The following KIAA1328 variants were observed in gnomAD, a reference collection of about 807,000 sequenced individuals.
The protein encoded by KIAA1328 is KIAA1328.
In KIAA1328, 52 loss-of-function variants were observed where a neutral mutation model predicts 68.1. The ratio of observed to expected loss-of-function variants is 0.76; its 90% CI spans 0.61 to 0.96. The LOEUF (loss-of-function observed/expected upper bound fraction) is 0.96, where lower values mean the gene tolerates loss of function less well. Among genes scored for constraint, KIAA1328 ranks in the 40% least tolerant of loss-of-function variants. The pLI is 0.00. For synonymous variants in KIAA1328, 232 were observed against 239.4 expected (o/e 0.97, Z 0.28); for missense variants, 641 against 677.6 (o/e 0.95, Z 0.60).
chr18:36,863,950 T>G (rs1175968451), intron 4 of KIAA1328, among the ~76,000 whole-genome samples: 1 of 152,196 alleles, frequency 6.6e-6, no homozygotes, highest in Non-Finnish European at 1.5e-5. Context: ...TCATGTCATT[T>G]GCAAATAGGG....
chr18:37,186,368 C>A (rs1187459502), intron 9 of KIAA1328, among the ~76,000 whole-genome samples: 2 of 151,552 alleles, frequency 1.3e-5, no homozygotes, highest in African/African-American at 4.8e-5. Flanking sequence ...GAGTTTGAGA[C>A]CAGCCTGGGC....
At chr18:37,115,390 A>G (rs897851791) in intron 7 of KIAA1328, among the ~76,000 whole-genome samples, 2 of 152,238 alleles carry the variant, frequency 1.3e-5, no homozygotes, top group Non-Finnish European at 2.9e-5. Flanking sequence ...AATCCATCAT[A>G]TAAACAGAAC....
chr18:37,122,439 G>A (rs1196213214), intron 7 of KIAA1328, among the ~76,000 whole-genome samples: 1 of 152,082 alleles, frequency 6.6e-6, no homozygotes, highest in Non-Finnish European at 1.5e-5. Flanking sequence ...GGTGGGTTTT[G>A]TTAAGTCAAG....
intron 7 of KIAA1328, among the ~76,000 whole-genome samples, chr18:37,136,245 A>G (rs970753639): frequency 1.3e-5 from 2 of 152,204 alleles, no homozygotes; most frequent in African/African-American, 4.8e-5. Context: ...TTTCAGCCAC[A>G]ATCTTTAACT....
intron 6 of KIAA1328, among the ~76,000 whole-genome samples, chr18:37,016,786 T>G (rs2054167885): frequency 6.6e-6 from 1 of 152,194 alleles, no homozygotes; most frequent in Non-Finnish European, 1.5e-5. Context: ...GAGGATCTTT[T>G]GTATTTCTGT....
At chr18:36,841,389 C>T (rs1350257612) in intron 3 of KIAA1328, among the ~76,000 whole-genome samples, 1 of 151,228 alleles carries the variant, frequency 6.6e-6, no homozygotes, top group African/African-American at 2.4e-5. Flanking sequence ...CATAGACTGC[C>T]AGTATTGGGT....
chr18:37,167,273 A>G (rs1242469989), intron 8 of KIAA1328, among the ~76,000 whole-genome samples: 2 of 152,166 alleles, frequency 1.3e-5, no homozygotes, highest in Non-Finnish European at 2.9e-5. Context: ...TTTGCCGTCT[A>G]TAGGTGGCTC....
At chr18:37,048,951 G>T (rs751457886) in intron 6 of KIAA1328, among the ~76,000 whole-genome samples, 1 of 152,130 alleles carries the variant, frequency 6.6e-6, no homozygotes, top group African/African-American at 2.4e-5. Flanking sequence ...GTAAAGAATG[G>T]TGTTATTGAA....
chr18:36,991,793 A>G (rs1370987201), intron 6 of KIAA1328, among the ~76,000 whole-genome samples: 3 of 152,110 alleles, frequency 2.0e-5, no homozygotes, highest in Non-Finnish European at 4.4e-5. Context: ...TCTTCACATG[A>G]TTTATCCAAA....
At chr18:36,980,564 G>A (rs992860799) in intron 6 of KIAA1328, among the ~76,000 whole-genome samples, 2 of 152,150 alleles carry the variant, frequency 1.3e-5, no homozygotes, top group African/African-American at 4.8e-5. Context: ...TATACATTTA[G>A]AATATCTGGT....
intron 6 of KIAA1328, among the ~76,000 whole-genome samples, chr18:37,019,126 G>A (rs1000920215): frequency 1.6e-5 from 1 of 63,234 alleles, no homozygotes; most frequent in African/African-American, 3.0e-5. Flanking sequence ...TATTGTTGTT[G>A]TTTTATTTTT....
At chr18:37,143,521 C>CTTT (rs57046567) in intron 7 of KIAA1328, among the ~76,000 whole-genome samples, 188 of 90,718 alleles carry the variant, frequency 2.1e-3, no homozygotes, top group African/African-American at 7.6e-3. Flanking sequence ...TTTTTTCTTT[C>CTTT]TTTTTTTTTT....
Position 36,855,008 on chromosome 18 carries a change from A to G in KIAA1328, c.332+10706A>G, listed in dbSNP as rs544140864. Among the ~76,000 whole-genome samples, 21 of 152,312 alleles carry G rather than the reference A, an allele frequency of 1.4e-4. No individual in the cohort carries two copies. In the South Asian group the frequency reaches 2.3e-3, roughly 17 times the overall value. ...ACTTCATTTCTTTTTATGCTAAATC[A>G]GATTCTATTGTAAAGTTTTACCACA... On this transcript the variant is annotated intron_variant, in intron 4 of 9. Coordinates refer to ENST00000280020, the MANE Select transcript of KIAA1328 (RefSeq NM_020776.3).
At chr18:37,052,184 A>G (rs773333268) in intron 6 of KIAA1328, among the ~76,000 whole-genome samples, 11 of 152,188 alleles carry the variant, frequency 7.2e-5, no homozygotes, top group South Asian at 6.2e-4. Context: ...AGATGCAACA[A>G]TGGTTCAACA....
At chr18:37,026,211 T>C (rs187528933) in intron 6 of KIAA1328, among the ~76,000 whole-genome samples, 218 of 152,270 alleles carry the variant, frequency 1.4e-3, no homozygotes, top group Non-Finnish European at 2.1e-3. Context: ...TAACAGGCTC[T>C]GAAATTCAGG....
chr18:37,161,876 G>A (rs181614112), intron 8 of KIAA1328, among the ~76,000 whole-genome samples: 8 of 152,348 alleles, frequency 5.3e-5, no homozygotes, highest in African/African-American at 1.9e-4. Flanking sequence ...GTAGAAAGCA[G>A]CAATTGAAAA....
At chr18:36,835,402 T>C in intron 3 of KIAA1328, 26 bp downstream of exon 3, 2 of 1,602,088 alleles carry the variant, frequency 1.2e-6, no homozygotes, top group Non-Finnish European at 1.7e-6. Context: ...GTCTTTTTTT[T>C]TCCTTGCTCT....
chr18:36,950,529 G>A (rs1478014106), intron 5 of KIAA1328, among the ~76,000 whole-genome samples: 1 of 152,070 alleles, frequency 6.6e-6, no homozygotes, highest in Non-Finnish European at 1.5e-5. Context: ...TAACTTTATG[G>A]TATTTACTAT....
At position 36,829,167 on chromosome 18, in the gene KIAA1328, C is replaced by G. The variant is rs2046356204; in HGVS notation, c.29C>G (p.Pro10Arg). 1 of 1,533,866 alleles carries G rather than the reference C, an allele frequency of 6.5e-7. No homozygotes were observed. Among genetic ancestry groups the G allele is most frequent in the Non-Finnish European group, 8.8e-7 (1 of 1,142,510 alleles). ...GCGGACGTGGCGGGCCCCTCCCGCC[C>G]CAGTGCCGCGGCGTTCTGGAGCCGG... is the stretch of plus-strand genomic sequence containing the variant. MADVAGPSR[P>R]SAAAFWSRDF... The change falls in exon 1 of 10, where the codon CCC becomes CGC. Residue 10 changes from proline to arginine, a missense_variant. Coordinates refer to ENST00000280020, the MANE Select transcript of KIAA1328 (RefSeq NM_020776.3).
Sources: gnomAD v4.1 joint callset for allele counts (sites outside exome capture counted in the v4.1 genomes callset) on GRCh38, gnomAD v4.1.1 for gene constraint, MANE v1.5 for transcripts, NCBI Gene and HGNC (gene_info 2026-07-23, HGNC 2026-07-21) for gene names.